HIBADH: variants seen among roughly 807,000 people sequenced by gnomAD.
HIBADH encodes 3-hydroxyisobutyrate dehydrogenase, mitochondrial.
Under a neutral mutation model 36.1 loss-of-function variants are expected in HIBADH, and 25 were observed. The observed-to-expected ratio is 0.69, with a 90% CI of 0.50 to 0.97. The LOEUF is 0.97. Among genes scored for constraint, HIBADH ranks in the 50% least tolerant of loss-of-function variants. The pLI, the probability that HIBADH is intolerant of heterozygous loss-of-function variation, is 0.00. For synonymous variants in HIBADH, 160 were observed against 149.5 expected (o/e 1.07, Z -0.51); for missense variants, 421 against 418.0 (o/e 1.01, Z -0.06).
intron 4 of HIBADH, among the ~76,000 whole-genome samples, chr7:27,565,891 TATATGTCATAC>T (rs1426430725): frequency 4.6e-5 from 7 of 152,204 alleles, no homozygotes; most frequent in Non-Finnish European, 1.5e-5. Flanking sequence ...ATATGTCATC[TATATGTCATAC>T]ATACATTATA....
intron 2 of HIBADH, among the ~76,000 whole-genome samples, chr7:27,644,245 C>T (rs1786014888): frequency 2.0e-5 from 3 of 152,054 alleles, no homozygotes; most frequent in Admixed American, 1.3e-4. Flanking sequence ...GTGGGCAGAT[C>T]ACGAGGTCAA....
chr7:27,649,364 T>C, intron 2 of HIBADH, 109 bp downstream of exon 2: 4 of 762,276 alleles, frequency 5.2e-6, no homozygotes, highest in Non-Finnish European at 7.9e-6. Context: ...TAACACTGAA[T>C]TAGGTTTACA....
intron 4 of HIBADH, among the ~76,000 whole-genome samples, chr7:27,617,815 G>A (rs1785457564): frequency 6.6e-6 from 1 of 151,968 alleles, no homozygotes; most frequent in Non-Finnish European, 1.5e-5. Context: ...ACCCTGCAAG[G>A]GCAGGCACTG....
At chr7:27,654,502 G>A (rs1335993922) in intron 1 of HIBADH, among the ~76,000 whole-genome samples, 1 of 152,068 alleles carries the variant, frequency 6.6e-6, no homozygotes, top group African/African-American at 2.4e-5. Flanking sequence ...AAAAAGATAA[G>A]GATAAAGGCA....
chr7:27,595,594 G>A (rs1191828569), intron 4 of HIBADH, among the ~76,000 whole-genome samples: 9 of 148,088 alleles, frequency 6.1e-5, no homozygotes, highest in African/African-American at 2.3e-4. Context: ...GTGTGTGTGT[G>A]TGTGTGTGTG....
chr7:27,632,046 A>G (rs971362689), intron 3 of HIBADH, among the ~76,000 whole-genome samples: 2 of 152,212 alleles, frequency 1.3e-5, no homozygotes, highest in Admixed American at 1.3e-4. Context: ...TGCAGTTTCA[A>G]ATGTAAGCTT....
chr7:27,642,890 AT>A (rs1430545164), intron 2 of HIBADH, among the ~76,000 whole-genome samples: 1 of 152,070 alleles, frequency 6.6e-6, no homozygotes, highest in Admixed American at 6.5e-5. Flanking sequence ...TGACCTCGTG[AT>A]CCGCCCACCT....
intron 7 of HIBADH, among the ~76,000 whole-genome samples, chr7:27,526,634 G>A (rs1783904330): frequency 6.6e-6 from 1 of 151,770 alleles, no homozygotes; most frequent in Non-Finnish European, 1.5e-5. Flanking sequence ...CCACAGATTT[G>A]AAGAAAAAAA....
intron 4 of HIBADH, among the ~76,000 whole-genome samples, chr7:27,584,376 T>C (rs1435862253): frequency 6.6e-6 from 1 of 152,082 alleles, no homozygotes; most frequent in Non-Finnish European, 1.5e-5. Context: ...ATTCTTTAAC[T>C]GCACCAACAA....
chr7:27,593,250 T>TG (rs1337609875), intron 4 of HIBADH, among the ~76,000 whole-genome samples: 1 of 152,188 alleles, frequency 6.6e-6, no homozygotes, highest in African/African-American at 2.4e-5. Flanking sequence ...TAAAGCATTT[T>TG]GGATTTTCAA....
At chr7:27,571,331 T>C (rs1784625798) in intron 4 of HIBADH, among the ~76,000 whole-genome samples, 1 of 152,128 alleles carries the variant, frequency 6.6e-6, no homozygotes, top group African/African-American at 2.4e-5. Context: ...CAAGTGATTC[T>C]CCTGCCTCAG....
In HIBADH at chr7:27,526,360, C is replaced by G; in HGVS notation, c.865G>C (p.Ala289Pro). ...TTTGTGCTGGTAGCAGAGTCTTGTG[C>G]CAATCCCAGATCCTAAATCAAACAG... ...TTLMAKDLGLAQDSATSTKSP... is the reference protein window; with the variant it reads ...TTLMAKDLGLPQDSATSTKSP... The change falls in exon 8 of 8, where the codon GCA becomes CCA. Residue 289 changes from alanine to proline, a missense_variant. Ala to Pro is a conservative substitution (Grantham distance 27). Transcript: ENST00000265395. The G allele has an allele frequency of 6.2e-7, 1 of 1,610,314 alleles. No homozygotes were observed. The highest frequency in any genetic ancestry group is 8.5e-7 in the Non-Finnish European group (1 of 1,178,334).
rs948955081 is a variant in HIBADH at position 27,649,532 on chromosome 7, G to C, written c.193C>G (p.Leu65Val). ...AKNLMKHGYPLIIYDVFPDAC... is the reference protein window; with the variant it reads ...AKNLMKHGYPVIIYDVFPDAC... ...TCAGGGAACACATCATAAATAATAA[G>C]TGGATAGCCATGTTTCATGAGATTT... is the stretch of plus-strand genomic sequence containing the variant. Residue 65 changes from leucine to valine, a missense_variant, in exon 2 of 8, where the codon CTT becomes GTT. Coordinates refer to ENST00000265395, the MANE Select transcript of HIBADH (RefSeq NM_152740.4). 1.2e-6 allele frequency: 2 copies of C among 1,613,708 alleles called. No individual in the cohort carries two copies. The highest frequency in any genetic ancestry group is 1.7e-6 in the Non-Finnish European group (2 of 1,179,850).
chr7:27,556,218 T>C lies in HIBADH; in HGVS notation c.485-13118A>G, dbSNP rs929253708. Among the ~76,000 whole-genome samples the C allele has an allele frequency of 3.9e-5, 6 of 152,220 alleles. No homozygotes were observed. In the South Asian group the frequency reaches 1.0e-3, roughly 26 times the overall value. Reference sequence around the variant, plus strand: ...TACACGATAGTCATTCTGTGTCCTCTAGAAAAGTCGAGTATCTTTTTACAT... The same window carrying C: ...TACACGATAGTCATTCTGTGTCCTCCAGAAAAGTCGAGTATCTTTTTACAT... On this transcript the variant is annotated intron_variant, in intron 4 of 7. Coordinates refer to ENST00000265395, the MANE Select transcript of HIBADH (RefSeq NM_152740.4).
At chr7:27,584,763 T>A (rs1204381814) in intron 4 of HIBADH, among the ~76,000 whole-genome samples, 2 of 152,096 alleles carry the variant, frequency 1.3e-5, no homozygotes, top group Admixed American at 1.3e-4. Flanking sequence ...TAATTTTTAA[T>A]GCTTCATCAA....
At position 27,612,779 on chromosome 7, in the gene HIBADH, T is replaced by C. The variant is rs183360784; in HGVS notation, c.484+16592A>G. On this transcript the variant is annotated intron_variant, in intron 4 of 7. Transcript: ENST00000265395. ...CCAGACCCCATCACTACAAAAAAAA[T>C]TTAAAAATTAGCTGGGCATGGTGGT... 9.1e-3 allele frequency among the ~76,000 whole-genome samples: 1,345 copies of C among 148,096 alleles called. 59 individuals carry two copies. The highest frequency in any genetic ancestry group is 0.07 in the Admixed American group (1,035 of 14,822).
intron 4 of HIBADH, 121 bp downstream of exon 4, chr7:27,629,250 T>C: frequency 1.0e-6 from 1 of 974,458 alleles, no homozygotes; most frequent in East Asian, 2.6e-5. Flanking sequence ...GCTTTATTTT[T>C]AATGAGAATC....
At chr7:27,536,629 G>A (rs548499590) in intron 6 of HIBADH, among the ~76,000 whole-genome samples, 4 of 152,168 alleles carry the variant, frequency 2.6e-5, no homozygotes, top group South Asian at 2.1e-4. Context: ...CCTCGTATTC[G>A]ATTGTATTGC....
At chr7:27,543,877 T>C (rs1562616063) in intron 4 of HIBADH, among the ~76,000 whole-genome samples, 1 of 145,670 alleles carries the variant, frequency 6.9e-6, no homozygotes, top group Admixed American at 6.8e-5. Flanking sequence ...GAAAGAACCT[T>C]CAATTTAGCA....
Sources: allele counts gnomAD v4.1 joint callset (sites outside exome capture counted in the v4.1 genomes callset), GRCh38; gene constraint gnomAD v4.1.1; transcripts MANE v1.5; gene names NCBI Gene and HGNC (gene_info 2026-07-23, HGNC 2026-07-21).